SLC25A23: variants seen among roughly 807,000 people sequenced by gnomAD.
The protein encoded by SLC25A23 is mitochondrial adenyl nucleotide antiporter SLC25A23.
SLC25A23 carries 32 observed loss-of-function variants against 53.9 expected under a neutral mutation model. The observed-to-expected ratio is 0.59, with a 90% CI of 0.45 to 0.80. The LOEUF (loss-of-function observed/expected upper bound fraction) is 0.80, where lower values mean the gene tolerates loss of function less well. Ranked by LOEUF, SLC25A23 falls within the 30% of genes least tolerant of loss-of-function variation. The pLI is 0.00. For synonymous variants in SLC25A23, 275 were observed against 264.5 expected (o/e 1.04, Z -0.38); for missense variants, 575 against 651.4 (o/e 0.88, Z 1.28).
intron 9 of SLC25A23, 55 bp from the exon 10 acceptor site, chr19:6,442,214 C>G (rs2092432733): frequency 1.6e-6 from 2 of 1,287,096 alleles, no homozygotes; most frequent in Non-Finnish European, 2.1e-6. Context: ...TTTCACTTCC[C>G]CCTCCTACCC....
chr19:6,443,616 T>C, intron 9 of SLC25A23: 2 of 702,882 alleles, frequency 2.8e-6, no homozygotes, highest in Admixed American at 2.0e-5. Context: ...CTGTGAGCTC[T>C]ATGAGGGTGG....
At chr19:6,453,662 A>G (rs1008306921) in intron 7 of SLC25A23, among the ~76,000 whole-genome samples, 16 of 152,332 alleles carry the variant, frequency 1.1e-4, no homozygotes, top group Middle Eastern at 3.4e-3. Flanking sequence ...AGGCATATTC[A>G]TAAACAGTTG....
At chr19:6,442,695 T>G (rs961892636) in intron 9 of SLC25A23, among the ~76,000 whole-genome samples, 3 of 151,976 alleles carry the variant, frequency 2.0e-5, no homozygotes, top group African/African-American at 7.2e-5. Context: ...ATTACAGGCA[T>G]GCGCCACCTT....
downstream of SLC25A23, chr19:6,438,705 C>T (rs972548050): frequency 9.3e-5 from 22 of 236,184 alleles, no homozygotes; most frequent in South Asian, 7.0e-4. Flanking sequence ...AAAAATTAGC[C>T]GGGTGTGGTG....
intron 1 of SLC25A23, among the ~76,000 whole-genome samples, chr19:6,458,989 C>T (rs1009571601): frequency 2.6e-5 from 4 of 152,206 alleles, no homozygotes; most frequent in Non-Finnish European, 4.4e-5. Context: ...GGATTGGGTC[C>T]CTGGCTGGGG....
rs952458735 is a variant in SLC25A23, at chr19:6,452,494, G to A, written c.904-15C>T. 6.3e-7 allele frequency: 1 copy of A among 1,588,050 alleles called. No individual in the cohort carries two copies. Among genetic ancestry groups the A allele is most frequent in the Admixed American group, 1.8e-5 (1 of 56,752 alleles). On this transcript the variant is annotated splice_polypyrimidine_tract_variant and intron_variant, in intron 7 of 9. Transcript: ENST00000301454. ...GTCTTCAGCACCTGGGGAGAACCTGGTTATCCCTGGAAAAGCTGTCCCACC... is the reference window on the plus strand; with the variant it reads ...GTCTTCAGCACCTGGGGAGAACCTGATTATCCCTGGAAAAGCTGTCCCACC...
chr19:6,458,128 C>T, intron 2 of SLC25A23, 70 bp downstream of exon 2: 9 of 1,567,558 alleles, frequency 5.7e-6, no homozygotes, highest in Non-Finnish European at 7.8e-6. Context: ...CCAGTTCTAA[C>T]CCCACTGATG....
downstream of SLC25A23, chr19:6,436,367 G>A (rs1434186610): frequency 2.2e-6 from 1 of 454,972 alleles, no homozygotes; most frequent in Non-Finnish European, 4.4e-6. Context: ...TGTTGGCCAG[G>A]ACAGCAAGAT....
At chr19:6,442,225 C>T in intron 9 of SLC25A23, 66 bp from the exon 10 acceptor site, 1 of 1,216,442 alleles carries the variant, frequency 8.2e-7, no homozygotes, top group Non-Finnish European at 1.1e-6. Context: ...CCTCCTACCC[C>T]CAGGGTTGGG....
At chr19:6,436,547 G>A, downstream of SLC25A23, 1 of 407,230 alleles carries the variant, frequency 2.5e-6, no homozygotes. Context: ...CAGCGACAGT[G>A]TCTTTTTTTT....
intron 8 of SLC25A23, among the ~76,000 whole-genome samples, chr19:6,446,433 C>T (rs1449757653): frequency 2.6e-5 from 4 of 152,184 alleles, no homozygotes; most frequent in Non-Finnish European, 5.9e-5. Flanking sequence ...AGTACACCAC[C>T]TTCATCCCTT....
intron 8 of SLC25A23, 34 bp from the exon 9 acceptor site, chr19:6,444,335 T>TTGGGGG: frequency 1.2e-6 from 1 of 826,958 alleles, no homozygotes; most frequent in Non-Finnish European, 1.9e-6. Context: ...AGGGTTGGGG[T>TTGGGGG]GGGTGACCCT....
intron 8 of SLC25A23, among the ~76,000 whole-genome samples, chr19:6,450,076 T>C (rs2092566643): frequency 6.6e-6 from 1 of 151,856 alleles, no homozygotes; most frequent in South Asian, 2.1e-4. Flanking sequence ...CAGGCTGGTC[T>C]TGAACTCCTG....
At chr19:6,448,064 T>C (rs1389588706) in intron 8 of SLC25A23, among the ~76,000 whole-genome samples, 2 of 152,184 alleles carry the variant, frequency 1.3e-5, no homozygotes, top group Non-Finnish European at 2.9e-5. Flanking sequence ...TTCACAGCTG[T>C]ATGTGAATCT....
intron 9 of SLC25A23, chr19:6,443,756 G>A: frequency 1.8e-6 from 1 of 546,554 alleles, no homozygotes; most frequent in Non-Finnish European, 3.3e-6. Context: ...GGGACGGGGG[G>A]AAATAATTCA....
intron 8 of SLC25A23, among the ~76,000 whole-genome samples, chr19:6,445,204 G>C (rs548190522): frequency 3.7e-4 from 57 of 152,044 alleles, no homozygotes; most frequent in African/African-American, 1.4e-3. Flanking sequence ...CCGCCTCCTG[G>C]CTTCAAGCGA....
chr19:6,455,239 T>C (rs1339020523), intron 4 of SLC25A23, among the ~76,000 whole-genome samples: 6 of 152,114 alleles, frequency 3.9e-5, no homozygotes, highest in Non-Finnish European at 8.8e-5. Flanking sequence ...ACCACTGCAT[T>C]TCAGCCTGGG....
chr19:6,437,680 G>A (rs924897985), downstream of SLC25A23, among the ~76,000 whole-genome samples: 2 of 151,796 alleles, frequency 1.3e-5, no homozygotes, highest in Admixed American at 1.3e-4. Flanking sequence ...ATGGTGGCGG[G>A]TGCCTGTAGT....
downstream of SLC25A23, chr19:6,438,682 C>T (rs1486280856): frequency 8.5e-5 from 18 of 212,330 alleles, no homozygotes; most frequent in South Asian, 7.7e-4. Context: ...TACCTGGTCT[C>T]TACTAAAAAT....
Sources: gnomAD v4.1 joint callset for allele counts (sites outside exome capture counted in the v4.1 genomes callset) on GRCh38, gnomAD v4.1.1 for gene constraint, MANE v1.5 for transcripts, NCBI Gene and HGNC (gene_info 2026-07-23, HGNC 2026-07-21) for gene names.